The following EVC2 variants were observed in gnomAD, a reference collection of about 807,000 sequenced individuals.
EVC2 encodes EvC ciliary complex subunit 2, also known as limbin.
A neutral mutation model predicts 149.3 loss-of-function variants in EVC2; 148 were observed. The observed-to-expected ratio is 0.99, with a 90% CI of 0.87 to 1.14. The LOEUF is 1.14. Among genes scored for constraint, EVC2 ranks in the 50% most tolerant of loss-of-function variants. The pLI, the probability that EVC2 is intolerant of heterozygous loss-of-function variation, is 0.00. For synonymous variants in EVC2, 776 were observed against 649.9 expected (o/e 1.19, Z -2.95); for missense variants, 1,854 against 1,627.3 (o/e 1.14, Z -2.40).
intron 16 of EVC2, among the ~76,000 whole-genome samples, chr4:5,598,788 C>T (rs923672961): frequency 6.6e-6 from 1 of 152,038 alleles, no homozygotes; most frequent in Non-Finnish European, 1.5e-5. Flanking sequence ...AGGCAACCTA[C>T]AAAATGGGAG....
At chr4:5,594,657 G>C (rs568647196) in intron 16 of EVC2, among the ~76,000 whole-genome samples, 1 of 152,268 alleles carries the variant, frequency 6.6e-6, no homozygotes, top group Admixed American at 6.5e-5. Context: ...TCTAAAAGCA[G>C]AGCGCCTCTC....
chr4:5,555,240 G>A (rs1250292789), intron 21 of EVC2, among the ~76,000 whole-genome samples: 4 of 150,600 alleles, frequency 2.7e-5, no homozygotes, highest in Non-Finnish European at 5.9e-5. Flanking sequence ...AAAGGGAAGG[G>A]AGGGAAACAA....
the EVC2 span, among the ~76,000 whole-genome samples, chr4:5,533,037 A>C: frequency 6.6e-6 from 1 of 150,538 alleles, no homozygotes; most frequent in Non-Finnish European, 1.5e-5. Flanking sequence ...TGCATCCTAG[A>C]TGCTAGAACG....
rs117659304 is a variant in EVC2, at chr4:5,642,264, A to G, written c.1146-1426T>C. Among the ~76,000 whole-genome samples the G allele has an allele frequency of 2.6e-4, 40 of 152,292 alleles. No individual in the cohort carries two copies. The East Asian group carries it at 7.5e-3, about 29-fold the overall frequency. On this transcript the variant is annotated intron_variant, in intron 9 of 21. Coordinates refer to ENST00000344408, the MANE Select transcript of EVC2 (RefSeq NM_147127.5). ...CTTTATAGTAGAAGGTCATCATTCA[A>G]TTAGAATTAATGAAGACATTTTGTC... is the stretch of plus-strand genomic sequence containing the variant.
intron 7 of EVC2, among the ~76,000 whole-genome samples, chr4:5,674,622 CAGG>C: frequency 6.6e-6 from 1 of 152,132 alleles, no homozygotes; most frequent in East Asian, 1.9e-4. Context: ...CAGGGTCCAG[CAGG>C]AGGTTTACAA....
chr4:5,582,809 C>T (rs911643459), intron 17 of EVC2, among the ~76,000 whole-genome samples: 6 of 152,184 alleles, frequency 3.9e-5, no homozygotes, highest in African/African-American at 1.4e-4. Flanking sequence ...CCCTTCGGTG[C>T]TGTTCTCGTG....
chr4:5,595,561 G>C (rs1299432860), intron 16 of EVC2, among the ~76,000 whole-genome samples: 2 of 152,156 alleles, frequency 1.3e-5, no homozygotes, highest in African/African-American at 2.4e-5. Flanking sequence ...AAGAGCTCCT[G>C]AAGGAAGCGC....
rs1267034265 is a variant in EVC2 at position 5,670,069 on chromosome 4, T to A, written c.871-4420A>T. On this transcript the variant is annotated intron_variant, in intron 7 of 21. Coordinates refer to ENST00000344408, the MANE Select transcript of EVC2 (RefSeq NM_147127.5). The surrounding 1 kb of genome is among the most constrained non-coding windows in gnomAD (Gnocchi z 5.2). ...ATGCTAGGTCCTGCCCTGCCTACAA[T>A]GCCTCTACTCTTCAATCTTCTTCCT... Among the ~76,000 whole-genome samples, 1 of 152,220 alleles carries A rather than the reference T, an allele frequency of 6.6e-6. No homozygotes were observed. Among genetic ancestry groups the A allele is most frequent in the African/African-American group, 2.4e-5 (1 of 41,460 alleles).
chr4:5,606,458 C>A (rs1248211657), intron 16 of EVC2, among the ~76,000 whole-genome samples: 1 of 152,150 alleles, frequency 6.6e-6, no homozygotes, highest in African/African-American at 2.4e-5. Context: ...TGATTAAACG[C>A]AGCTGTTAAC....
intron 13 of EVC2, among the ~76,000 whole-genome samples, chr4:5,624,782 A>T (rs1341498207): frequency 6.6e-6 from 1 of 152,190 alleles, no homozygotes; most frequent in East Asian, 1.9e-4. Context: ...GATCAAGGCC[A>T]GAATCATGGC....
intron 16 of EVC2, among the ~76,000 whole-genome samples, chr4:5,602,471 T>C (rs893606453): frequency 6.6e-6 from 1 of 151,960 alleles, no homozygotes; most frequent in Non-Finnish European, 1.5e-5. Context: ...AATAATTAAG[T>C]GCTTATAATC....
At position 5,552,705 on chromosome 4, in the gene EVC2, A is replaced by G. The variant is rs1721763764; in HGVS notation, c.3420-9493T>C. On this transcript the variant is annotated intron_variant and NMD_transcript_variant, in intron 21 of 22. Transcript: ENST00000475313. Reference sequence around the variant, plus strand: ...GAGGCAATTTTAAGGCTGCAGATCAAGCAGGGGAAACCCAAACAGAGTCCG... The same window carrying G: ...GAGGCAATTTTAAGGCTGCAGATCAGGCAGGGGAAACCCAAACAGAGTCCG... Among the ~76,000 whole-genome samples the G allele has an allele frequency of 2.0e-5, 3 of 152,220 alleles. No homozygotes were observed. The South Asian group carries it at 6.2e-4, about 31-fold the overall frequency.
chr4:5,622,799 C>A lies in EVC2; in HGVS notation c.2239G>T (p.Ala747Ser), dbSNP rs961642597. Residue 747 changes from alanine (A) to serine (S), a missense_variant, in exon 14 of 22, where the codon GCC becomes TCC. Transcript: ENST00000344408. This position sits in a 1 kb window ranked among gnomAD's most constrained non-coding sequence, Gnocchi z 5.8. ...RTLTLSLFEK[A>S]TDELRRLQNS... ...TGCAGGCGCCGCAGCTCGTCGGTGG[C>A]CTTTTCAAACAGCGAAAGGGTCAGG... is the stretch of plus-strand genomic sequence containing the variant. 8 of 1,613,946 alleles carry A rather than the reference C, an allele frequency of 5.0e-6. No homozygotes were observed. In the African/African-American group the frequency reaches 1.1e-4, roughly 22 times the overall value.
At chr4:5,555,644 T>C (rs1721825755) in intron 21 of EVC2, among the ~76,000 whole-genome samples, 1 of 152,272 alleles carries the variant, frequency 6.6e-6, no homozygotes, top group South Asian at 2.1e-4. Flanking sequence ...ATATACACAA[T>C]ATTTTTTACA....
intron 9 of EVC2, among the ~76,000 whole-genome samples, chr4:5,659,901 GC>G (rs1269584844): frequency 3.9e-5 from 6 of 152,190 alleles, no homozygotes; most frequent in Admixed American, 3.9e-4. Context: ...ATATCCGGGT[GC>G]TGATTGCATG....
chr4:5,694,426 C>T lies in EVC2; in HGVS notation c.359G>A (p.Ser120Asn), dbSNP rs1053855167. ...FIPLSTSAAS[S>N]GPWAHSLFAF... ...AAATAAGGAATGAGCCCATGGCCCA[C>T]TAGAGGCTGCAGAAGTTGAGAGTGG... The change falls in exon 3 of 22, where the codon AGT becomes AAT. Residue 120 changes from serine (S) to asparagine (N), a missense_variant. Ser to Asn is a conservative substitution (Grantham distance 46, BLOSUM62 1). Transcript: ENST00000344408. 1 of 1,614,188 alleles carries T rather than the reference C, an allele frequency of 6.2e-7. No homozygotes were observed.
intron 21 of EVC2, among the ~76,000 whole-genome samples, chr4:5,543,630 G>C (rs1432178120): frequency 6.6e-6 from 1 of 152,188 alleles, no homozygotes; most frequent in Non-Finnish European, 1.5e-5. Flanking sequence ...AGGGGCTGAT[G>C]GGAGTGTGTT....
chr4:5,650,638 T>TATATATATAGAGAG (rs1162935817), intron 9 of EVC2, among the ~76,000 whole-genome samples: 13 of 45,084 alleles, frequency 2.9e-4, no homozygotes, highest in South Asian at 1.1e-3. Context: ...TATATATATA[T>TATATATATAGAGAG]AGAGAGAGAG....
rs1222233141 is a variant in EVC2 at position 5,696,338 on chromosome 4, T to C, written c.283+1255A>G. Among the ~76,000 whole-genome samples the C allele has an allele frequency of 6.6e-6, 1 of 152,194 alleles. No individual in the cohort carries two copies. The highest frequency in any genetic ancestry group is 1.5e-5 in the Non-Finnish European group (1 of 68,042). On this transcript the variant is annotated intron_variant, in intron 2 of 21. Transcript: ENST00000344408. This position sits in a 1 kb window ranked among gnomAD's most constrained non-coding sequence, Gnocchi z 4.1. ...CCCTTCAGAGAGGACCCCTCCTCTA[T>C]TCAGCAAGAATCCCGCTCAGTCTAC...
Sources: allele counts gnomAD v4.1 joint callset (sites outside exome capture counted in the v4.1 genomes callset), GRCh38; gene constraint gnomAD v4.1.1; non-coding constraint Gnocchi (gnomAD v3.1); transcripts MANE v1.5; gene names NCBI Gene and HGNC (gene_info 2026-07-23, HGNC 2026-07-21).